The following LRPPRC variants were observed in gnomAD, a reference collection of about 807,000 sequenced individuals.
LRPPRC encodes the protein leucine rich pentatricopeptide repeat containing.
A neutral mutation model predicts 180.3 loss-of-function variants in LRPPRC; 120 were observed. The observed-to-expected ratio is 0.67, with a 90% CI of 0.57 to 0.77. The LOEUF (loss-of-function observed/expected upper bound fraction) is 0.77, where lower values mean the gene tolerates loss of function less well. Ranked by LOEUF, LRPPRC falls within the 30% of genes least tolerant of loss-of-function variation. LRPPRC has a pLI of 0.00. For synonymous variants in LRPPRC, 723 were observed against 600.0 expected, an observed-to-expected ratio of 1.21 and a Z score of -3.00; for missense variants, 2,012 against 1,657.2, an observed-to-expected ratio of 1.21 and a Z score of -3.72.
intron 11 of LRPPRC, among the ~76,000 whole-genome samples, chr2:43,971,351 A>G (rs1242453913): frequency 6.6e-6 from 1 of 151,884 alleles, no homozygotes; most frequent in Non-Finnish European, 1.5e-5. Flanking sequence ...TAGTAAGATG[A>G]GCCATGAGGA....
At chr2:43,924,453 GTGT>G (rs1350588997) in intron 27 of LRPPRC, among the ~76,000 whole-genome samples, 2 of 152,178 alleles carry the variant, frequency 1.3e-5, no homozygotes, top group Admixed American at 1.3e-4. Flanking sequence ...GAATAACGTA[GTGT>G]TGTTTTAGAA....
At chr2:43,898,985 C>T (rs1670792808) in intron 34 of LRPPRC, among the ~76,000 whole-genome samples, 2 of 152,166 alleles carry the variant, frequency 1.3e-5, no homozygotes, top group Admixed American at 6.5e-5. Flanking sequence ...CGCCGCTCCC[C>T]GCTACCTCAA....
At chr2:43,985,017 T>A (rs1674466086) in intron 1 of LRPPRC, among the ~76,000 whole-genome samples, 2 of 151,934 alleles carry the variant, frequency 1.3e-5, no homozygotes, top group South Asian at 4.2e-4. Context: ...GGTTTTTTTT[T>A]AACTCTTCAA....
chr2:43,918,807 A>C (rs1156689968), intron 27 of LRPPRC, among the ~76,000 whole-genome samples: 1 of 135,280 alleles, frequency 7.4e-6, no homozygotes, highest in African/African-American at 3.3e-5. Flanking sequence ...ATATATATAT[A>C]TAGATATATA....
At chr2:43,974,321 T>C (rs768239952) in intron 8 of LRPPRC, 26 bp from the exon 9 acceptor site, 3 of 1,569,456 alleles carry the variant, frequency 1.9e-6, no homozygotes, top group Non-Finnish European at 2.6e-6. Flanking sequence ...AGACATCTTT[T>C]GTTAATAAAC....
chr2:43,963,391 C>T, intron 12 of LRPPRC, 197 bp downstream of exon 12: 1 of 626,630 alleles, frequency 1.6e-6, no homozygotes, highest in Non-Finnish European at 2.8e-6. Flanking sequence ...TTGCAGTGAG[C>T]CAAGATTGTG....
At chr2:43,908,608 G>A (rs541049619) in intron 30 of LRPPRC, among the ~76,000 whole-genome samples, 98 of 139,678 alleles carry the variant, frequency 7.0e-4, no homozygotes, top group African/African-American at 2.5e-3. Context: ...TGCAACCTCC[G>A]CCTCCCGGGT....
In LRPPRC at chr2:43,943,119, A is replaced by G. The variant is rs1164010794; in HGVS notation, c.2504+568T>C. ...ACTAAAATGTTTTATTCATTATAAA[A>G]TAGACTGACTTTATGATTTACATTG... On this transcript the variant is annotated intron_variant, in intron 23 of 37. Transcript: ENST00000260665. Among the ~76,000 whole-genome samples the G allele has an allele frequency of 2.0e-5, 3 of 152,228 alleles. No individual in the cohort carries two copies. The East Asian group carries it at 5.8e-4, about 29-fold the overall frequency.
intron 36 of LRPPRC, among the ~76,000 whole-genome samples, chr2:43,890,660 C>T (rs369311458): frequency 6.6e-6 from 1 of 152,170 alleles, no homozygotes; most frequent in Admixed American, 6.5e-5. Context: ...TTGCAGTGAG[C>T]CGAGATGGTG....
At chr2:43,976,312 A>C in intron 5 of LRPPRC, 83 bp from the exon 6 acceptor site, 1 of 778,754 alleles carries the variant, frequency 1.3e-6, no homozygotes, top group Non-Finnish European at 2.3e-6. Flanking sequence ...GCCTTGAGTT[A>C]CTTTTGTTTT....
intron 27 of LRPPRC, among the ~76,000 whole-genome samples, chr2:43,924,433 G>A (rs10205130): frequency 6.6e-6 from 1 of 151,892 alleles, no homozygotes; most frequent in African/African-American, 2.4e-5. Context: ...GAAGATTAAG[G>A]CACAAAAATG....
At chr2:43,929,649 G>T (rs374404696) in intron 25 of LRPPRC, among the ~76,000 whole-genome samples, 7 of 152,196 alleles carry the variant, frequency 4.6e-5, no homozygotes, top group African/African-American at 1.7e-4. Context: ...AACCTATGTT[G>T]TTCAAGGATC....
At chr2:43,956,198 G>C (rs1308755781) in intron 14 of LRPPRC, among the ~76,000 whole-genome samples, 1 of 152,062 alleles carries the variant, frequency 6.6e-6, no homozygotes, top group Non-Finnish European at 1.5e-5. Context: ...AAATTGTTCT[G>C]CATTAAGATA....
rs898095787 is a variant in LRPPRC at position 43,995,935 on chromosome 2, G to C, written c.13C>G (p.Leu5Val). 8 of 1,525,648 alleles carry C rather than the reference G, an allele frequency of 5.2e-6. No individual in the cohort carries two copies. The African/African-American group carries it at 9.8e-5, about 19-fold the overall frequency. The allele number at this position is 1,525,648 out of a possible 1,614,324, so 94.5% of individuals were successfully genotyped here. Residue 5 changes from leucine (L) to valine (V), a missense_variant, in exon 1 of 38, where the codon CTG (leucine) becomes GTG (valine). Coordinates refer to ENST00000260665, the MANE Select transcript of LRPPRC (RefSeq NM_133259.4). MAAL[L>V]RSARWLLRAG... ...CGCAGCAACCAACGCGCGGATCTCA[G>C]CAGGGCTGCCATTGCTCGAACGTCC... is the stretch of plus-strand genomic sequence containing the variant.
Position 43,889,864 on chromosome 2 carries a change from T to A in LRPPRC, c.3998A>T (p.Asp1333Val). The A allele has an allele frequency of 1.9e-6, 3 of 1,607,568 alleles. No homozygotes were observed. Among genetic ancestry groups the A allele is most frequent in the Non-Finnish European group, 2.6e-6 (3 of 1,173,966 alleles). ...ATACAGTGCTTTAGCAGATGTGACA[T>A]CTTTCTCTGAGACTGACATAAAGAA... is the stretch of plus-strand genomic sequence containing the variant. ...SLMKSYVSEK[D>V]VTSAKALYEH... The change falls in exon 37 of 38, where the codon GAT becomes GTT. Residue 1333 changes from aspartate to valine, a missense_variant. Transcript: ENST00000260665.
chr2:43,973,596 C>T lies in LRPPRC; in HGVS notation c.1369+11G>A, dbSNP rs1421946685. 8 of 1,588,676 alleles carry T rather than the reference C, an allele frequency of 5.0e-6. No individual in the cohort carries two copies. The highest frequency in any genetic ancestry group is 6.9e-6 in the Non-Finnish European group (8 of 1,156,824). On this transcript the variant is annotated intron_variant, in intron 11 of 37. Coordinates refer to ENST00000260665, the MANE Select transcript of LRPPRC (RefSeq NM_133259.4). ...GGAACCATTACAAATCGGTAAAAGGCAAAATCTAACCTTGAACATTTTTTT... is the reference window on the plus strand; with the variant it reads ...GGAACCATTACAAATCGGTAAAAGGTAAAATCTAACCTTGAACATTTTTTT...
intron 11 of LRPPRC, among the ~76,000 whole-genome samples, chr2:43,968,469 C>T (rs928687359): frequency 6.6e-6 from 1 of 152,146 alleles, no homozygotes; most frequent in Non-Finnish European, 1.5e-5. Context: ...TTGCAGACAA[C>T]AGAACTATAA....
intron 30 of LRPPRC, among the ~76,000 whole-genome samples, chr2:43,910,642 G>A (rs1267270291): frequency 6.6e-6 from 1 of 152,070 alleles, no homozygotes; most frequent in Non-Finnish European, 1.5e-5. Flanking sequence ...TTAATCACAT[G>A]CGATCAGAAT....
chr2:43,984,527 C>A (rs1050041401), intron 1 of LRPPRC, among the ~76,000 whole-genome samples: 2 of 152,128 alleles, frequency 1.3e-5, no homozygotes, highest in African/African-American at 4.8e-5. Context: ...TAAGTAGAAA[C>A]ATGAATCTAT....
Sources: gnomAD v4.1 joint callset for allele counts (sites outside exome capture counted in the v4.1 genomes callset) on GRCh38, gnomAD v4.1.1 for gene constraint, MANE v1.5 for transcripts, NCBI Gene and HGNC (gene_info 2026-07-23, HGNC 2026-07-21) for gene names.